PLCD1: variants seen among roughly 807,000 people sequenced by gnomAD.
PLCD1 encodes the protein phospholipase C delta 1, also known as 1-phosphatidylinositol 4,5-bisphosphate phosphodiesterase delta-1.
PLCD1 carries 71 observed loss-of-function variants against 87.4 expected under a neutral mutation model. That is an observed-to-expected ratio of 0.81 (90% confidence interval 0.67 to 0.99). PLCD1 has a LOEUF of 0.99. Among genes scored for constraint, PLCD1 ranks in the 50% least tolerant of loss-of-function variants. The probability of loss-of-function intolerance (pLI) is 0.00; values close to 1 mark genes in which losing one functional copy is unlikely to be tolerated. For synonymous variants in PLCD1, 348 were observed against 399.2 expected (o/e 0.87, Z 1.53); for missense variants, 867 against 1,001.5 (o/e 0.87, Z 1.81).
At chr3:38,028,531 T>C (rs1285886185) in intron 1 of PLCD1, among the ~76,000 whole-genome samples, 1 of 152,036 alleles carries the variant, frequency 6.6e-6, no homozygotes, top group Non-Finnish European at 1.5e-5. Flanking sequence ...ATGAACAGTT[T>C]AGATGGATGG....
chr3:38,013,950 A>G (rs933054745), intron 3 of PLCD1, among the ~76,000 whole-genome samples: 2 of 152,274 alleles, frequency 1.3e-5, no homozygotes, highest in South Asian at 2.1e-4. Flanking sequence ...GAAAAATTTG[A>G]AAGTGAAATT....
intron 2 of PLCD1, 80 bp from the exon 3 acceptor site, chr3:38,016,799 A>G: frequency 1.0e-6 from 1 of 992,554 alleles, no homozygotes; most frequent in South Asian, 1.4e-5. Flanking sequence ...CCAAGGCCAC[A>G]GTAGAGAGGG....
At chr3:38,020,164 C>T (rs974316168) in intron 2 of PLCD1, 24 bp downstream of exon 2, 1 of 1,604,266 alleles carries the variant, frequency 6.2e-7, no homozygotes, top group African/African-American at 1.3e-5. Flanking sequence ...TCTATCCCCT[C>T]CCCTGTGACC....
At position 38,011,338 on chromosome 3, in the gene PLCD1, C is replaced by A; in HGVS notation, c.666G>T (p.Ala222=). The A allele has an allele frequency of 6.2e-7, 1 of 1,612,512 alleles. No individual in the cohort carries two copies. ...VEIDRTFAEA[A]GSGETLSVDQ... is the part of the protein sequence containing the mutation. ...CCACCGACAGAGTCTCCCCTGAGCC[C>A]GCGGCCTCGGCGAAGGTGCGGTCGA... Residue 222 remains alanine (A), a synonymous_variant, in exon 5 of 15, where the codon GCG becomes GCT. Transcript: ENST00000334661.
At chr3:38,012,114 A>C (rs1343096540) in intron 3 of PLCD1, among the ~76,000 whole-genome samples, 1 of 140,604 alleles carries the variant, frequency 7.1e-6, no homozygotes, top group Admixed American at 7.1e-5. Flanking sequence ...TGCAGCCTAG[A>C]CCTCTCAGGC....
intron 1 of PLCD1, 78 bp from the exon 2 acceptor site, chr3:38,020,430 A>T: frequency 7.2e-7 from 1 of 1,385,590 alleles, no homozygotes; most frequent in Non-Finnish European, 1.0e-6. Context: ...GGCCATGCCC[A>T]CCTCGACCCT....
In PLCD1 at chr3:38,009,050, C is replaced by T. The variant is rs1381014064; in HGVS notation, c.1715G>A (p.Cys572Tyr). ...YSPVEMWNGGCQIVALNFQTP... is the reference protein window; with the variant it reads ...YSPVEMWNGGYQIVALNFQTP... The stretch of plus-strand genomic sequence containing the variant: ...CCCCAGCCAGCCCATACCGATCTGG[C>T]AGCCCCCATTCCACATCTCCACGGG... Residue 572 changes from cysteine (C) to tyrosine (Y), a missense_variant, in exon 11 of 15, where the codon TGC becomes TAC. Physicochemically the swap from Cys to Tyr is radical, Grantham distance 194. Transcript: ENST00000334661. The T allele has an allele frequency of 5.6e-6, 9 of 1,611,880 alleles. No homozygotes were observed. The highest frequency in any genetic ancestry group is 7.6e-6 in the Non-Finnish European group (9 of 1,178,872).
At position 38,017,379 on chromosome 3, in the gene PLCD1, T is replaced by C. The variant is rs1700174021; in HGVS notation, c.200-660A>G. Among the ~76,000 whole-genome samples, 1 of 152,082 alleles carries C rather than the reference T, an allele frequency of 6.6e-6. No homozygotes were observed. The highest frequency in any genetic ancestry group is 2.1e-4 in the South Asian group (1 of 4,834). ...GTGTGCAGCTGTGTGTGTCCTGACT[T>C]CAGGGAGCCCCTTGGCAGGGGGTAC... On this transcript the variant is annotated intron_variant, in intron 2 of 14. Transcript: ENST00000334661. This position sits in a 1 kb window ranked among gnomAD's most constrained non-coding sequence, Gnocchi z 4.7.
intron 1 of PLCD1, 70 bp downstream of exon 1, chr3:38,029,436 C>T: frequency 7.1e-7 from 1 of 1,403,154 alleles, no homozygotes; most frequent in South Asian, 1.2e-5. Context: ...GCTCCCTGTC[C>T]AGGGCCCGGA....
chr3:38,021,573 C>T (rs1700234164), intron 1 of PLCD1, among the ~76,000 whole-genome samples: 1 of 152,164 alleles, frequency 6.6e-6, no homozygotes, highest in Non-Finnish European at 1.5e-5. Context: ...CTTAGTAACC[C>T]ACTGGTGTAA....
chr3:38,007,506 C>A lies in PLCD1; in HGVS notation c.*267G>T. The A allele has an allele frequency of 1.6e-6, 1 of 624,976 alleles. No individual in the cohort carries two copies. Among genetic ancestry groups the A allele is most frequent in the Non-Finnish European group, 3.0e-6 (1 of 338,036 alleles). The allele number at this position is 624,976 out of a possible 1,614,324, so 38.7% of individuals were successfully genotyped here. A position where few individuals can be genotyped will look rare whatever the true frequency, so the allele number is the denominator to read the frequency against. The stretch of plus-strand genomic sequence containing the variant: ...AAGAGACCACAAGGCTTAATCTTAT[C>A]GTGATTTTTATAAAAATCCTTGACC... On this transcript the variant is annotated 3_prime_UTR_variant, in exon 15 of 15. Transcript: ENST00000334661.
rs1700030907 is a variant in PLCD1, at chr3:38,009,445, G to A, written c.1447-14C>T. ...GAGCTTGTCCTCCTGGGGAACACGG[G>A]GAGGCCCGGGTTAGATTCAGTGGTT... is the stretch of plus-strand genomic sequence containing the variant. On this transcript the variant is annotated splice_polypyrimidine_tract_variant and intron_variant, in intron 9 of 14. Transcript: ENST00000334661. The A allele has an allele frequency of 2.5e-6, 4 of 1,613,980 alleles. No individual in the cohort carries two copies. The highest frequency in any genetic ancestry group is 3.4e-6 in the Non-Finnish European group (4 of 1,179,980).
intron 11 of PLCD1, 162 bp from the exon 12 acceptor site, chr3:38,008,798 T>C (rs1700012553): frequency 1.4e-6 from 1 of 708,306 alleles, no homozygotes; most frequent in African/African-American, 1.8e-5. Context: ...TGACCCACCA[T>C]GCTAACCACA....
In PLCD1 at chr3:38,017,347, G is replaced by A. The variant is rs11922130; in HGVS notation, c.200-628C>T. Among the ~76,000 whole-genome samples the A allele has an allele frequency of 0.078, 11,862 of 152,190 alleles. 607 individuals carry two copies. The highest frequency in any genetic ancestry group is 0.14 in the African/African-American group (5,700 of 41,508). The stretch of plus-strand genomic sequence containing the variant: ...CCTGCATGGGAGAGGAGACAGGGTC[G>A]TGCCCTGTGTGCAGCTGTGTGTGTC... On this transcript the variant is annotated intron_variant, in intron 2 of 14. Transcript: ENST00000334661. This position sits in a 1 kb window ranked among gnomAD's most constrained non-coding sequence, Gnocchi z 4.7.
chr3:38,012,130 T>G (rs1396477140), intron 3 of PLCD1, among the ~76,000 whole-genome samples: 1 of 149,182 alleles, frequency 6.7e-6, no homozygotes, highest in East Asian at 2.0e-4. Context: ...CAGGCTCAAG[T>G]GATCCTCCCA....
In PLCD1 at chr3:38,009,658, G is replaced by T. The variant is rs202219212; in HGVS notation, c.1441C>A (p.Pro481Thr). The change falls in exon 9 of 15, where the codon CCC becomes ACC. Residue 481 changes from proline to threonine, a missense_variant. Pro to Thr is a conservative substitution (Grantham distance 38, BLOSUM62 -1). Transcript: ENST00000334661. ...CCCACAGCTCCCCCTCAAACCTTGG[G>T]CTTGTGCTGCACACGGCTCCTCACT... ...EAVRSRVQHK[P>T]KEDKLRLAQE... is the part of the protein sequence containing the mutation. The T allele has an allele frequency of 4.3e-6, 7 of 1,614,066 alleles. No homozygotes were observed. In the African/African-American group the frequency reaches 6.7e-5, roughly 15 times the overall value.
chr3:38,019,979 C>T (rs1488080762), intron 2 of PLCD1, among the ~76,000 whole-genome samples: 1 of 152,144 alleles, frequency 6.6e-6, no homozygotes, highest in Non-Finnish European at 1.5e-5. Flanking sequence ...TTCAATTTCC[C>T]GATGGCAATT....
At chr3:38,028,828 T>A (rs145948705) in intron 1 of PLCD1, among the ~76,000 whole-genome samples, 484 of 152,344 alleles carry the variant, frequency 3.2e-3, no homozygotes, top group Non-Finnish European at 5.8e-3. Context: ...AAGAGCTGGC[T>A]CATATTGGAG....
At chr3:38,015,385 T>C (rs1257900212) in intron 3 of PLCD1, among the ~76,000 whole-genome samples, 1 of 152,090 alleles carries the variant, frequency 6.6e-6, no homozygotes, top group Admixed American at 6.5e-5. Context: ...CAGGAAAGTG[T>C]ATAGAGGCAG....
Sources: allele counts gnomAD v4.1 joint callset (sites outside exome capture counted in the v4.1 genomes callset), GRCh38; gene constraint gnomAD v4.1.1; non-coding constraint Gnocchi (gnomAD v3.1); transcripts MANE v1.5; gene names NCBI Gene and HGNC (gene_info 2026-07-23, HGNC 2026-07-21).